SF3B1: variants seen among roughly 807,000 people sequenced by gnomAD.
SF3B1 encodes the protein pre-mRNA processing 10.
In SF3B1, 12 loss-of-function variants were observed where a neutral mutation model predicts 153.8. The ratio of observed to expected loss-of-function variants is 0.08; its 90% CI spans 0.05 to 0.13. The LOEUF (loss-of-function observed/expected upper bound fraction) is 0.13. Among genes scored for constraint, SF3B1 ranks in the 10% least tolerant of loss-of-function variants. SF3B1 has a pLI of 1.00. For missense variants in SF3B1, 513 were observed against 1,606.1 expected (o/e 0.32, Z 11.63); for synonymous variants, 498 against 525.2 (o/e 0.95, Z 0.71).
intron 23 of SF3B1, chr2:197,393,394 TTTTGC>T: frequency 1.8e-6 from 1 of 557,864 alleles, no homozygotes; most frequent in Non-Finnish European, 3.2e-6. Flanking sequence ...ACTTGAGGAC[TTTTGC>T]TTTAATTACT....
intron 4 of SF3B1, chr2:197,419,507 C>A: frequency 4.6e-6 from 1 of 219,624 alleles, no homozygotes; most frequent in East Asian, 6.8e-5. Flanking sequence ...GAAGATCATG[C>A]CCAATTGGTA....
Position 197,393,002 on chromosome 2 carries a change from T to C in SF3B1, c.3726A>G (p.Gly1242=). 6.2e-7 allele frequency: 1 copy of C among 1,612,140 alleles called. No homozygotes were observed. The highest frequency in any genetic ancestry group is 8.5e-7 in the Non-Finnish European group (1 of 1,178,288). Residue 1242 remains glycine, a synonymous_variant, in exon 24 of 25, where the codon GGA becomes GGG. Coordinates refer to ENST00000335508, the MANE Select transcript of SF3B1 (RefSeq NM_012433.4). ...GALEGLRVAI[G]PCRMLQYCLQ... ...AACAATATTGCAACATTCTACATGG[T>C]CCAATAGCAACTCTCAGGCCCTCTA...
At chr2:197,412,898 A>G (rs1196544979) in intron 6 of SF3B1, among the ~76,000 whole-genome samples, 2 of 142,654 alleles carry the variant, frequency 1.4e-5, no homozygotes, top group South Asian at 2.3e-4. Context: ...AATCACTTGA[A>G]CCTGGGAGGT....
At chr2:197,418,731 A>C (rs192735322) in intron 4 of SF3B1, 143 bp from the exon 5 acceptor site, 1 of 1,451,020 alleles carries the variant, frequency 6.9e-7, no homozygotes, top group East Asian at 2.5e-5. Flanking sequence ...TAATAATTAT[A>C]CATCTTACTT....
intron 6 of SF3B1, 117 bp from the exon 7 acceptor site, chr2:197,410,124 A>AAAAGTTAG: frequency 9.3e-6 from 6 of 642,976 alleles, no homozygotes; most frequent in Non-Finnish European, 1.6e-5. Context: ...ATAATTAATG[A>AAAAGTTAG]AAAGTTAGAA....
chr2:197,406,090 T>G (rs2084988461), intron 9 of SF3B1, among the ~76,000 whole-genome samples: 1 of 151,044 alleles, frequency 6.6e-6, no homozygotes, highest in Non-Finnish European at 1.5e-5. Context: ...ATTTTTTTTT[T>G]TTTTTTTAAA....
chr2:197,411,714 T>C (rs184556444), intron 6 of SF3B1, among the ~76,000 whole-genome samples: 8 of 151,974 alleles, frequency 5.3e-5, no homozygotes, highest in Admixed American at 4.6e-4. Context: ...GGAGCTCTTA[T>C]AGACACAAGG....
At chr2:197,393,306 TTAC>T in intron 23 of SF3B1, 118 bp from the exon 24 acceptor site, 1 of 689,270 alleles carries the variant, frequency 1.5e-6, no homozygotes, top group Non-Finnish European at 2.6e-6. Flanking sequence ...AGAAACTAAA[TTAC>T]TAATTCAGTG....
intron 2 of SF3B1, among the ~76,000 whole-genome samples, chr2:197,421,409 T>G (rs1403016232): frequency 1.3e-5 from 2 of 152,226 alleles, no homozygotes; most frequent in Non-Finnish European, 1.5e-5. Flanking sequence ...TAGAAAAACC[T>G]GTGCATTTAA....
rs143219710 is a variant in SF3B1 at position 197,426,665 on chromosome 2, G to A, written c.29-2691C>T. Among the ~76,000 whole-genome samples, 590 of 152,206 alleles carry A rather than the reference G, an allele frequency of 3.9e-3. 4 individuals are homozygous for A. Among genetic ancestry groups the A allele is most frequent in the African/African-American group, 0.011 (462 of 41,528 alleles). On this transcript the variant is annotated intron_variant, in intron 1 of 24. Coordinates refer to ENST00000335508, the MANE Select transcript of SF3B1 (RefSeq NM_012433.4). ...AATGACCTGGTGCACCTGTTACAAAGGTAGAACCTTAGGTCTTGGATACAC... is the reference window on the plus strand; with the variant it reads ...AATGACCTGGTGCACCTGTTACAAAAGTAGAACCTTAGGTCTTGGATACAC...
rs2084920802 is a variant in SF3B1, at chr2:197,399,917, A to T, written c.3013+138T>A. 4.8e-6 allele frequency: 3 copies of T among 628,372 alleles called. No individual in the cohort carries two copies. In the East Asian group the frequency reaches 8.4e-5, roughly 18 times the overall value. The allele number at this position is 628,372 out of a possible 1,614,324, so 38.9% of individuals were successfully genotyped here. A position where few individuals can be genotyped will look rare whatever the true frequency, so the allele number is the denominator to read the frequency against. On this transcript the variant is annotated intron_variant, in intron 20 of 24. Coordinates refer to ENST00000335508, the MANE Select transcript of SF3B1 (RefSeq NM_012433.4). ...AACAAGACTTTTGTGACATCCCCCG[A>T]CTTAACTACAATCTTGAAGTGCTTT...
chr2:197,434,826 G>T (rs2085497304), intron 1 of SF3B1, 146 bp downstream of exon 1: 2 of 805,720 alleles, frequency 2.5e-6, no homozygotes, highest in Non-Finnish European at 4.1e-6. Flanking sequence ...GGCCTGCGCC[G>T]CTGGCGCGGA....
At chr2:197,421,799 G>C (rs548461989) in intron 2 of SF3B1, among the ~76,000 whole-genome samples, 160 of 152,184 alleles carry the variant, frequency 1.1e-3, no homozygotes, top group Non-Finnish European at 1.7e-3. Context: ...GCAACATGGT[G>C]AAACTCTGTC....
chr2:197,392,619 G>A lies in SF3B1; in HGVS notation c.3757-158C>T, dbSNP rs117185835. On this transcript the variant is annotated intron_variant, in intron 24 of 24. Transcript: ENST00000335508. Reference sequence around the variant, plus strand: ...ACACTGCTCTTAAGCTGCAATGGAAGAGACAAAACTCACTCCCCTGTCACC... The same window carrying A: ...ACACTGCTCTTAAGCTGCAATGGAAAAGACAAAACTCACTCCCCTGTCACC... 3.4e-4 allele frequency among the ~76,000 whole-genome samples: 50 copies of A among 148,118 alleles called. 1 individual carries two copies. In the East Asian group the frequency reaches 9.3e-3, roughly 27 times the overall value.
chr2:197,422,458 T>C (rs2085260414), intron 2 of SF3B1, among the ~76,000 whole-genome samples: 1 of 151,620 alleles, frequency 6.6e-6, no homozygotes, highest in Non-Finnish European at 1.5e-5. Context: ...CTAACGTAAA[T>C]GACAAGTTAA....
chr2:197,426,151 T>C (rs1259892089), intron 1 of SF3B1, among the ~76,000 whole-genome samples: 3 of 152,078 alleles, frequency 2.0e-5, no homozygotes, highest in East Asian at 1.9e-4. Flanking sequence ...CAAACCATTA[T>C]AGCAGCCCAG....
Position 197,400,572 on chromosome 2 carries a change from G to A in SF3B1, c.2719-138C>T, listed in dbSNP as rs576189606. On this transcript the variant is annotated intron_variant, in intron 18 of 24. Coordinates refer to ENST00000335508, the MANE Select transcript of SF3B1 (RefSeq NM_012433.4). This position sits in a 1 kb window ranked among gnomAD's most constrained non-coding sequence, Gnocchi z 5.0. ...ACATCAAATCTTAAAACTTGAGGTA[G>A]AATAATATCGTTTGGTAACCCCCTG... The A allele has an allele frequency of 7.9e-6, 8 of 1,006,470 alleles. No homozygotes were observed. The East Asian group carries it at 2.1e-4, about 26-fold the overall frequency. The allele number at this position is 1,006,470 out of a possible 1,614,324, so 62.3% of individuals were successfully genotyped here.
chr2:197,432,551 G>A (rs752556422), intron 1 of SF3B1, among the ~76,000 whole-genome samples: 34 of 152,346 alleles, frequency 2.2e-4, no homozygotes, highest in Non-Finnish European at 4.7e-4. Flanking sequence ...GGTTAAAGAG[G>A]ATGTGAGGCC....
chr2:197,399,467 T>C (rs2084914736), intron 20 of SF3B1, among the ~76,000 whole-genome samples: 1 of 152,142 alleles, frequency 6.6e-6, no homozygotes, highest in African/African-American at 2.4e-5. Context: ...CATACTGCCC[T>C]AATGGAATAA....
Sources: gnomAD v4.1 joint callset for allele counts (sites outside exome capture counted in the v4.1 genomes callset) on GRCh38, gnomAD v4.1.1 for gene constraint, Gnocchi (gnomAD v3.1) non-coding constraint, MANE v1.5 for transcripts, NCBI Gene and HGNC (gene_info 2026-07-23, HGNC 2026-07-21) for gene names.